Variants in LRPPRC observed in about 807,000 individuals in gnomAD.
LRPPRC encodes leucine rich pentatricopeptide repeat containing.
LRPPRC carries 120 observed loss-of-function variants against 180.3 expected under a neutral mutation model. That is an observed-to-expected ratio of 0.67 (90% CI 0.57 to 0.77). LRPPRC has a LOEUF of 0.77. LRPPRC is among the 30% of genes least tolerant of loss of function. LRPPRC has a pLI of 0.00. For missense variants in LRPPRC, 2,012 were observed against 1,657.2 expected, an observed-to-expected ratio of 1.21 and a Z score of -3.72; for synonymous variants, 723 against 600.0, an observed-to-expected ratio of 1.21 and a Z score of -3.00.
intron 1 of LRPPRC, 104 bp downstream of exon 1, chr2:43,995,695 G>C: frequency 8.9e-7 from 1 of 1,120,676 alleles, no homozygotes; most frequent in Non-Finnish European, 1.2e-6. Flanking sequence ...CTGGGGCGGG[G>C]AGAAGGGTGG....
At chr2:43,972,966 AATTAG>A (rs1673884053) in intron 11 of LRPPRC, among the ~76,000 whole-genome samples, 1 of 152,200 alleles carries the variant, frequency 6.6e-6, no homozygotes, top group African/African-American at 2.4e-5. Context: ...CAAACCGAAG[AATTAG>A]ATACTGTACT....
intron 36 of LRPPRC, chr2:43,890,194 G>T: frequency 2.4e-6 from 1 of 410,374 alleles, no homozygotes; most frequent in Non-Finnish European, 4.8e-6. Context: ...ACCACAAACT[G>T]AAGTCCTCAG....
At chr2:43,958,992 C>G (rs778463591) in intron 13 of LRPPRC, 1 of 481,876 alleles carries the variant, frequency 2.1e-6, no homozygotes, top group Non-Finnish European at 3.7e-6. Flanking sequence ...AGAATATTGT[C>G]AAGTTTTTAT....
chr2:43,966,373 T>C (rs1291076119), intron 11 of LRPPRC, among the ~76,000 whole-genome samples: 1 of 151,976 alleles, frequency 6.6e-6, no homozygotes, highest in African/African-American at 2.4e-5. Context: ...GAATACTTGA[T>C]ATTTGCTGAG....
intron 30 of LRPPRC, among the ~76,000 whole-genome samples, chr2:43,911,764 T>C (rs1231947017): frequency 6.6e-6 from 1 of 151,956 alleles, no homozygotes; most frequent in East Asian, 1.9e-4. Flanking sequence ...TGACCTCAGG[T>C]GATCCACCCA....
rs955957506 is a variant in LRPPRC at position 43,977,138 on chromosome 2, C to T, written c.591+17G>A. 1 of 1,611,058 alleles carries T rather than the reference C, an allele frequency of 6.2e-7. No individual in the cohort carries two copies. Among genetic ancestry groups the T allele is most frequent in the African/African-American group, 1.3e-5 (1 of 74,806 alleles). ...AATGGTGGATGTGAAAATATATTCA[C>T]AATAGCAACTACTTACTCGATTTGG... On this transcript the variant is annotated intron_variant, in intron 4 of 37. Coordinates refer to ENST00000260665, the MANE Select transcript of LRPPRC (RefSeq NM_133259.4).
chr2:43,975,366 A>C, intron 6 of LRPPRC, 149 bp from the exon 7 acceptor site: 1 of 620,940 alleles, frequency 1.6e-6, no homozygotes, highest in Non-Finnish European at 2.8e-6. Flanking sequence ...ATTAAACTGG[A>C]TATATGTTTC....
At chr2:43,991,074 G>C (rs1674757221) in intron 1 of LRPPRC, among the ~76,000 whole-genome samples, 1 of 149,908 alleles carries the variant, frequency 6.7e-6, no homozygotes, top group Non-Finnish European at 1.5e-5. Flanking sequence ...CTGTCACTGA[G>C]GCTGGAGTGC....
At chr2:43,893,171 G>C (rs997290692) in intron 36 of LRPPRC, among the ~76,000 whole-genome samples, 1 of 152,192 alleles carries the variant, frequency 6.6e-6, no homozygotes, top group Admixed American at 6.5e-5. Context: ...GATGACCAAA[G>C]AAAGTGGTTT....
intron 31 of LRPPRC, chr2:43,902,174 C>T (rs1051873415): frequency 6.6e-6 from 1 of 152,442 alleles, no homozygotes. Context: ...TTTATCCCGA[C>T]TTAGCCCCAT....
chr2:43,979,479 A>G (rs1401587502), intron 3 of LRPPRC, among the ~76,000 whole-genome samples: 4 of 152,220 alleles, frequency 2.6e-5, no homozygotes, highest in Non-Finnish European at 4.4e-5. Context: ...GCTACAATGA[A>G]GAATATCCTT....
intron 35 of LRPPRC, among the ~76,000 whole-genome samples, chr2:43,895,542 T>C (rs1320031486): frequency 1.3e-5 from 2 of 152,156 alleles, no homozygotes; most frequent in African/African-American, 4.8e-5. Context: ...TACTTTTTAA[T>C]CACACGTATA....
chr2:43,934,309 GA>G lies in LRPPRC; in HGVS notation c.2630-14del, dbSNP rs1241694170. 6 of 1,282,754 alleles carry G rather than the reference GA, an allele frequency of 4.7e-6. No individual in the cohort carries two copies. The highest frequency in any genetic ancestry group is 3.0e-5 in the African/African-American group (2 of 67,682). 79.5% of individuals were successfully genotyped at this position (1,282,754 alleles called of 1,614,324 possible). On this transcript the variant is annotated splice_polypyrimidine_tract_variant and intron_variant, in intron 24 of 37. Coordinates refer to ENST00000260665, the MANE Select transcript of LRPPRC (RefSeq NM_133259.4). ...ACAAAGTCCATTGCTAGGTAGGAGA[GA>G]AAAAAATATATATATTAGGAGAAAA...
chr2:43,971,363 G>A (rs527251842), intron 11 of LRPPRC, among the ~76,000 whole-genome samples: 142 of 151,160 alleles, frequency 9.4e-4, no homozygotes, highest in African/African-American at 3.4e-3. Flanking sequence ...CCATGAGGAA[G>A]TAATTATAAA....
intron 35 of LRPPRC, 36 bp downstream of exon 35, chr2:43,896,598 A>G (rs781258277): frequency 2.4e-6 from 3 of 1,243,590 alleles, no homozygotes; most frequent in South Asian, 2.4e-5. Context: ...AGGCACGTAC[A>G]GTATCATTGA....
intron 30 of LRPPRC, among the ~76,000 whole-genome samples, chr2:43,909,355 C>A (rs929000778): frequency 3.3e-4 from 36 of 108,140 alleles, no homozygotes; most frequent in African/African-American, 1.3e-3. Context: ...CCAAATAACC[C>A]TGGTGGATAA....
chr2:43,969,352 C>T (rs1673701727), intron 11 of LRPPRC, among the ~76,000 whole-genome samples: 2 of 150,558 alleles, frequency 1.3e-5, no homozygotes, highest in African/African-American at 4.9e-5. Flanking sequence ...GCAGAGCTTG[C>T]AGTGAGCCGA....
chr2:43,888,400 A>G lies in LRPPRC; in HGVS notation c.*200T>C, dbSNP rs1162126397. 1.2e-5 allele frequency: 6 copies of G among 512,494 alleles called. No individual in the cohort carries two copies. The highest frequency in any genetic ancestry group is 2.1e-5 in the Non-Finnish European group (6 of 283,882). 31.7% of individuals were successfully genotyped at this position (512,494 alleles called of 1,614,324 possible). ...AGCAGCATTGAAGAAAACACTATCG[A>G]TTTTTCCCAGAGAAAAAAACTCCAA... On this transcript the variant is annotated 3_prime_UTR_variant, in exon 38 of 38. Transcript: ENST00000260665.
intron 30 of LRPPRC, among the ~76,000 whole-genome samples, chr2:43,907,808 G>A (rs1671114289): frequency 6.6e-6 from 1 of 152,080 alleles, no homozygotes; most frequent in African/African-American, 2.4e-5. Flanking sequence ...GTATTATAGG[G>A]AAACTTTCAC....
Sources: gnomAD v4.1 joint callset for allele counts (sites outside exome capture counted in the v4.1 genomes callset) on GRCh38, gnomAD v4.1.1 for gene constraint, MANE v1.5 for transcripts, NCBI Gene and HGNC (gene_info 2026-07-23, HGNC 2026-07-21) for gene names.